Variants in PODNL1 observed in about 807,000 individuals in gnomAD.
The protein encoded by PODNL1 is podocan-like protein 1.
In PODNL1, 50 loss-of-function variants were observed where a neutral mutation model predicts 45.1. The ratio of observed to expected loss-of-function variants is 1.11; its 90% confidence interval spans 0.88 to 1.40. The LOEUF (loss-of-function observed/expected upper bound fraction) is 1.40. PODNL1 is among the 40% of genes most tolerant of loss of function. PODNL1 has a pLI of 0.00. For missense variants in PODNL1, 788 were observed against 793.3 expected (o/e 0.99, Z 0.08); for synonymous variants, 406 against 372.5 (o/e 1.09, Z -1.04).
At position 13,937,804 on chromosome 19, in the gene PODNL1, G is replaced by A; in HGVS notation, c.206C>T (p.Ala69Val). The change falls in exon 2 of 10, where the codon GCT becomes GTT. Residue 69 changes from alanine (A) to valine (V), a missense_variant. By Grantham distance (64) the Ala-to-Val change is moderately conservative. Coordinates refer to ENST00000588872, the MANE Select transcript of PODNL1 (RefSeq NM_001370095.3). ...CCCCACCTGCAGGGAGAGGTGCTGAGCGGCTCTGGTGATGTTGTCCGGGAA... is the reference window on the plus strand; with the variant it reads ...CCCCACCTGCAGGGAGAGGTGCTGAACGGCTCTGGTGATGTTGTCCGGGAA... ...RVFPDNITRA[A>V]QHLSLQNNQL... 6.3e-7 allele frequency: 1 copy of A among 1,589,498 alleles called. No homozygotes were observed. Among genetic ancestry groups the A allele is most frequent in the Non-Finnish European group, 8.6e-7 (1 of 1,169,364 alleles).
upstream of PODNL1, among the ~76,000 whole-genome samples, chr19:13,943,107 A>T (rs1972706036): frequency 6.6e-6 from 1 of 151,218 alleles, no homozygotes; most frequent in Non-Finnish European, 1.5e-5. Context: ...GACCAGCCTG[A>T]CAAACATGGA....
upstream of PODNL1, among the ~76,000 whole-genome samples, chr19:13,942,474 A>G (rs891456633): frequency 5.9e-5 from 9 of 152,084 alleles, no homozygotes; most frequent in African/African-American, 1.9e-4. Flanking sequence ...GAACCTAACC[A>G]TTGTTCCTGT....
In PODNL1 at chr19:13,937,645, A is replaced by T. The variant is rs956692163; in HGVS notation, c.225+140T>A. ...AGCCAATCTGCCAAGGCAAAGCTCC[A>T]TCACAGCCTGCTCTGCACCGCCCTC... On this transcript the variant is annotated intron_variant, in intron 2 of 9. Transcript: ENST00000588872. The T allele has an allele frequency of 5.2e-6, 4 of 762,258 alleles. No individual in the cohort carries two copies. In the African/African-American group the frequency reaches 7.0e-5, roughly 13 times the overall value. 47.2% of individuals were successfully genotyped at this position (762,258 alleles called of 1,614,324 possible).
chr19:13,948,537 G>C (rs1454099004), intron 1 of PODNL1, among the ~76,000 whole-genome samples: 1 of 151,032 alleles, frequency 6.6e-6, no homozygotes, highest in East Asian at 2.0e-4. Flanking sequence ...AATGCTAGTA[G>C]ATTAATCTAA....
Position 13,937,890 on chromosome 19 carries a change from G to T in PODNL1, c.120C>A (p.Pro40=). 6.3e-7 allele frequency: 1 copy of T among 1,577,574 alleles called. No homozygotes were observed. The part of the protein sequence containing the change: ...ESLQPLPRAC[P]LRCSCPRVDT... ...CGACTCGGGGGCAGGAGCAGCGCAG[G>T]GGACAGGCCCGGGGCAGGGGCTGCA... The change falls in exon 2 of 10, where the codon CCC becomes CCA. Residue 40 remains proline (P), a synonymous_variant. Coordinates refer to ENST00000588872, the MANE Select transcript of PODNL1 (RefSeq NM_001370095.3).
chr19:13,938,498 G>A, upstream of PODNL1: 1 of 1,194,564 alleles, frequency 8.4e-7, no homozygotes, highest in Admixed American at 4.1e-5. Context: ...CAAGAACAAG[G>A]AATGTTTGGG....
intron 5 of PODNL1, among the ~76,000 whole-genome samples, chr19:13,935,098 G>A (rs1972252546): frequency 6.6e-6 from 1 of 152,016 alleles, no homozygotes; most frequent in Non-Finnish European, 1.5e-5. Flanking sequence ...GCATGAGCAT[G>A]TGTTCATGTG....
chr19:13,933,526 G>A lies in PODNL1; in HGVS notation c.768-71C>T. 1 of 1,451,848 alleles carries A rather than the reference G, an allele frequency of 6.9e-7. No individual in the cohort carries two copies. Among genetic ancestry groups the A allele is most frequent in the South Asian group, 1.3e-5 (1 of 74,538 alleles). 89.9% of individuals were successfully genotyped at this position (1,451,848 alleles called of 1,614,324 possible). ...GTGCCTGACAGATTTTGGCGGGGAG[G>A]CTGGGGAGTGGTCCTGAGACAGATT... On this transcript the variant is annotated intron_variant, in intron 7 of 9. Transcript: ENST00000588872. This position sits in a 1 kb window ranked among gnomAD's most constrained non-coding sequence, Gnocchi z 5.2.
chr19:13,944,132 TTTTTG>T (rs1274873026), intron 1 of PODNL1, among the ~76,000 whole-genome samples: 2 of 151,934 alleles, frequency 1.3e-5, no homozygotes, highest in Non-Finnish European at 2.9e-5. Context: ...TGTACATCTG[TTTTTG>T]TTTTGTTTTA....
Position 13,933,976 on chromosome 19 carries a change from C to G in PODNL1, c.669G>C (p.Lys223Asn). ...RLHLQNNLIS[K>N]VPRGALSRQT... ...GGCGGCTCAGGGCTCCTCGGGGCAC[C>G]TTGGAGATGAGATTGTTCTGGAGAA... is the stretch of plus-strand genomic sequence containing the variant. The change falls in exon 7 of 10, where the codon AAG (lysine) becomes AAC (asparagine). Residue 223 changes from lysine (K) to asparagine (N), a missense_variant. Coordinates refer to ENST00000588872, the MANE Select transcript of PODNL1 (RefSeq NM_001370095.3). This position sits in a 1 kb window ranked among gnomAD's most constrained non-coding sequence, Gnocchi z 5.2. The G allele has an allele frequency of 1.2e-6, 2 of 1,608,306 alleles. No homozygotes were observed. The highest frequency in any genetic ancestry group is 1.7e-6 in the Non-Finnish European group (2 of 1,177,450).
In PODNL1 at chr19:13,933,387, G is replaced by A; in HGVS notation, c.836C>T (p.Pro279Leu). 6.2e-7 allele frequency: 1 copy of A among 1,606,664 alleles called. No individual in the cohort carries two copies. Among genetic ancestry groups the A allele is most frequent in the South Asian group, 1.1e-5 (1 of 90,740 alleles). The change falls in exon 8 of 10, where the codon CCC becomes CTC. Residue 279 changes from proline to leucine, a missense_variant. By Grantham distance (98) the Pro-to-Leu change is moderately conservative. Transcript: ENST00000588872. This position sits in a 1 kb window ranked among gnomAD's most constrained non-coding sequence, Gnocchi z 5.2. ...CAGGTGCAGGATAGCCAGGGTCCGG[G>A]GCAGGCCGGCGGGCACTGTGGTCAG... ...NQLTTVPAGL[P>L]RTLAILHLGR... is the part of the protein sequence containing the mutation.
chr19:13,934,995 C>G (rs1465042262), intron 5 of PODNL1, among the ~76,000 whole-genome samples: 1 of 150,516 alleles, frequency 6.6e-6, no homozygotes, highest in Non-Finnish European at 1.5e-5. Flanking sequence ...CGTGTGCATG[C>G]ATGAGTGTGT....
intron 8 of PODNL1, chr19:13,932,518 C>G (rs145827808): frequency 1.2e-5 from 9 of 760,046 alleles, no homozygotes; most frequent in Non-Finnish European, 1.9e-5. Flanking sequence ...TGTGCCACCA[C>G]GCTTGGCTAT....
Position 13,952,933 on chromosome 19 carries a change from GC to G in PODNL1, c.18+185del. 3 of 871,254 alleles carry G rather than the reference GC, an allele frequency of 3.4e-6. No homozygotes were observed. In the South Asian group the frequency reaches 5.3e-5, roughly 15 times the overall value. The allele number at this position is 871,254 out of a possible 1,614,324, so 54.0% of individuals were successfully genotyped here. On this transcript the variant is annotated intron_variant, in intron 1 of 7. Transcript: ENST00000538371. ...GGCTCGGAGGGAGGCGACCCCAGAG[GC>G]CGCAGGGAGAATCAGGAGGAAGGGG...
intron 4 of PODNL1, 55 bp downstream of exon 4, chr19:13,935,925 T>A: frequency 6.5e-7 from 1 of 1,541,750 alleles, no homozygotes; most frequent in Non-Finnish European, 8.8e-7. Flanking sequence ...CTGGGCTGAG[T>A]GACTGAAGCT....
chr19:13,934,084 CT>C, intron 6 of PODNL1, 91 bp from the exon 7 acceptor site: 1 of 1,404,430 alleles, frequency 7.1e-7, no homozygotes, highest in Non-Finnish European at 9.8e-7. Flanking sequence ...TGACGAGGAG[CT>C]TGCCTTGAGC....
At chr19:13,942,204 T>C (rs1013997394), upstream of PODNL1, among the ~76,000 whole-genome samples, 2 of 152,148 alleles carry the variant, frequency 1.3e-5, no homozygotes, top group African/African-American at 4.8e-5. Flanking sequence ...TACTGGCTCA[T>C]GAACAGAAAA....
chr19:13,949,843 G>A (rs1972941275), intron 1 of PODNL1, among the ~76,000 whole-genome samples: 2 of 151,184 alleles, frequency 1.3e-5, no homozygotes, highest in South Asian at 2.1e-4. Context: ...GTAGGTTCAC[G>A]CCACCACACT....
At chr19:13,941,029 G>A (rs1972639267), upstream of PODNL1, among the ~76,000 whole-genome samples, 1 of 152,024 alleles carries the variant, frequency 6.6e-6, no homozygotes, top group African/African-American at 2.4e-5. Context: ...CTGGATGACA[G>A]AGTGAGACCC....
Sources: gnomAD v4.1 joint callset for allele counts (sites outside exome capture counted in the v4.1 genomes callset) on GRCh38, gnomAD v4.1.1 for gene constraint, Gnocchi (gnomAD v3.1) non-coding constraint, MANE v1.5 for transcripts, NCBI Gene and HGNC (gene_info 2026-07-23, HGNC 2026-07-21) for gene names.